Variants in DRAXIN observed in about 807,000 individuals in gnomAD.
DRAXIN encodes the protein dorsal repulsive axon guidance protein.
DRAXIN carries 27 observed loss-of-function variants against 33.9 expected under a neutral mutation model. The observed-to-expected ratio is 0.80, with a 90% confidence interval of 0.59 to 1.10. The LOEUF is 1.10. Ranked by LOEUF, DRAXIN falls within the 50% of genes least tolerant of loss-of-function variation. DRAXIN has a pLI of 0.00. For missense variants in DRAXIN, 371 were observed against 460.8 expected, an observed-to-expected ratio of 0.81 and a Z score of 1.78; for synonymous variants, 178 against 194.0, an observed-to-expected ratio of 0.92 and a Z score of 0.69.
rs1202567401 is a variant in DRAXIN, at chr1:11,706,675, C to T, written c.417C>T (p.His139=). Residue 139 remains histidine (H), a synonymous_variant, in exon 2 of 7, where the codon CAC becomes CAT. Coordinates refer to ENST00000294485, the MANE Select transcript of DRAXIN (RefSeq NM_198545.4). This position sits in a 1 kb window ranked among gnomAD's most constrained non-coding sequence, Gnocchi z 5.5. ...GGACCAGGAAACGCAGCAGGGAGCA[C>T]AAGAGACGCAGGGACAGGTTGAGGC... ...WERTRKRSRE[H]KRRRDRLRLH... The T allele has an allele frequency of 6.3e-6, 10 of 1,594,568 alleles. No homozygotes were observed. In the Admixed American group the frequency reaches 8.4e-5, roughly 13 times the overall value.
intron 2 of DRAXIN, 103 bp from the exon 3 acceptor site, chr1:11,709,172 G>A: frequency 1.6e-6 from 2 of 1,235,114 alleles, no homozygotes; most frequent in Middle Eastern, 2.7e-4. Context: ...GTCACACAGT[G>A]CCTGCTGCCT....
intron 1 of DRAXIN, among the ~76,000 whole-genome samples, chr1:11,702,438 C>T (rs565208907): frequency 2.0e-5 from 3 of 151,974 alleles, no homozygotes; most frequent in African/African-American, 7.2e-5. Context: ...CATGCTAACA[C>T]TCCTACACAC....
Position 11,719,717 on chromosome 1 carries a change from C to G in DRAXIN, c.*21C>G, listed in dbSNP as rs1354373724. On this transcript the variant is annotated 3_prime_UTR_variant, in exon 7 of 7. Coordinates refer to ENST00000294485, the MANE Select transcript of DRAXIN (RefSeq NM_198545.4). ...TCTAGCGGCCCCGCGGGACTGGGGACTGAGCCCAGGAGGTTTGCACAAGCC... is the reference window on the plus strand; with the variant it reads ...TCTAGCGGCCCCGCGGGACTGGGGAGTGAGCCCAGGAGGTTTGCACAAGCC... The G allele has an allele frequency of 1.9e-6, 3 of 1,605,224 alleles. No homozygotes were observed. Among genetic ancestry groups the G allele is most frequent in the East Asian group, 2.2e-5 (1 of 44,746 alleles).
chr1:11,693,292 CCCCAA>C (rs1641131143), intron 1 of DRAXIN, among the ~76,000 whole-genome samples: 2 of 152,098 alleles, frequency 1.3e-5, no homozygotes, highest in African/African-American at 4.8e-5. Context: ...GGTGACTCAC[CCCCAA>C]TTCTGAACCT....
At chr1:11,711,686 C>T (rs1281530086) in intron 3 of DRAXIN, among the ~76,000 whole-genome samples, 165 bp from the exon 4 acceptor site, 3 of 152,184 alleles carry the variant, frequency 2.0e-5, no homozygotes, top group Non-Finnish European at 4.4e-5. Context: ...GGAACAGGAG[C>T]CTCCGGCAGC....
intron 1 of DRAXIN, among the ~76,000 whole-genome samples, chr1:11,699,985 T>C (rs1641247496): frequency 6.7e-6 from 1 of 150,072 alleles, no homozygotes; most frequent in South Asian, 2.1e-4. Flanking sequence ...ACACCTGTAA[T>C]CCCAGCACTT....
At chr1:11,716,226 C>T (rs1641575601) in intron 6 of DRAXIN, among the ~76,000 whole-genome samples, 1 of 152,212 alleles carries the variant, frequency 6.6e-6, no homozygotes, top group Non-Finnish European at 1.5e-5. Context: ...TTAGAATAGT[C>T]TAATGAGCGC....
chr1:11,687,781 G>A (rs1020285860), upstream of DRAXIN, among the ~76,000 whole-genome samples: 4 of 152,192 alleles, frequency 2.6e-5, no homozygotes, highest in Non-Finnish European at 5.9e-5. The surrounding 1 kb of genome is among the most constrained non-coding windows in gnomAD (Gnocchi z 4.1). Context: ...ATTCATCCAG[G>A]TCGAATCACA....
intron 1 of DRAXIN, among the ~76,000 whole-genome samples, chr1:11,700,861 C>A (rs927143476): frequency 1.3e-5 from 2 of 152,226 alleles, no homozygotes; most frequent in African/African-American, 4.8e-5. Context: ...CCGATCAGCG[C>A]CGCAGGAATG....
Position 11,723,942 on chromosome 1 carries a change from A to G in DRAXIN, c.*4246A>G, listed in dbSNP as rs903324067. ...TGTTTAGAACAGTGCCTAGCACCTA[A>G]TAAACCTCCAGTGTTAGCTAATTTG... On this transcript the variant is annotated 3_prime_UTR_variant, in exon 7 of 7. Coordinates refer to ENST00000294485, the MANE Select transcript of DRAXIN (RefSeq NM_198545.4). The G allele has an allele frequency of 2.6e-5, 4 of 152,202 alleles. No homozygotes were observed. Among genetic ancestry groups the G allele is most frequent in the Non-Finnish European group, 5.9e-5 (4 of 68,036 alleles). The allele number at this position is 152,202 out of a possible 1,614,324, so 9.4% of individuals were successfully genotyped here.
upstream of DRAXIN, chr1:11,691,386 G>C (rs1641062503): frequency 1.3e-5 from 2 of 152,116 alleles, no homozygotes; most frequent in African/African-American, 4.8e-5. Flanking sequence ...ACGCGCCCTG[G>C]GCCGCGCCGA....
intron 6 of DRAXIN, among the ~76,000 whole-genome samples, chr1:11,717,650 A>G (rs1219072848): frequency 8.3e-6 from 1 of 121,078 alleles, no homozygotes; most frequent in African/African-American, 3.6e-5. Context: ...CAACAGAGAG[A>G]GACTCCGTCT....
upstream of DRAXIN, among the ~76,000 whole-genome samples, chr1:11,687,150 C>CA (rs1640972365): frequency 6.6e-6 from 1 of 152,188 alleles, no homozygotes; most frequent in Admixed American, 6.5e-5. This position sits in a 1 kb window ranked among gnomAD's most constrained non-coding sequence, Gnocchi z 4.1. Flanking sequence ...ACTGAAGCCT[C>CA]AACCTCCTGG....
rs930969760 is a variant in DRAXIN at position 11,725,208 on chromosome 1, C to T, written c.*5512C>T. 3 of 152,302 alleles carry T rather than the reference C, an allele frequency of 2.0e-5. No homozygotes were observed. The highest frequency in any genetic ancestry group is 4.4e-5 in the Non-Finnish European group (3 of 68,120). The allele number at this position is 152,302 out of a possible 1,614,324, so 9.4% of individuals were successfully genotyped here. ...GTGCACACCTGTAGTCCCAGCTATT[C>T]TCCAGGCTGAGGTGGGAGGATCGCT... On this transcript the variant is annotated 3_prime_UTR_variant, in exon 7 of 7. Transcript: ENST00000294485.
chr1:11,698,209 G>A (rs757915092), intron 1 of DRAXIN, among the ~76,000 whole-genome samples: 49 of 152,154 alleles, frequency 3.2e-4, no homozygotes, highest in Non-Finnish European at 6.6e-4. Context: ...GAACACTCTC[G>A]TTTCAAATTA....
chr1:11,715,934 G>GC (rs1641570497), intron 6 of DRAXIN, among the ~76,000 whole-genome samples: 1 of 152,148 alleles, frequency 6.6e-6, no homozygotes, highest in Admixed American at 6.6e-5. Context: ...CAGCAGTGCA[G>GC]TTTTGGCTCA....
At chr1:11,718,387 T>TA (rs957742333) in intron 6 of DRAXIN, among the ~76,000 whole-genome samples, 7 of 151,444 alleles carry the variant, frequency 4.6e-5, no homozygotes, top group South Asian at 4.2e-4. Flanking sequence ...TTGAGCCACT[T>TA]AAAAAAAAAT....
chr1:11,687,333 C>T (rs1394939050), upstream of DRAXIN, among the ~76,000 whole-genome samples: 1 of 152,068 alleles, frequency 6.6e-6, no homozygotes. This position sits in a 1 kb window ranked among gnomAD's most constrained non-coding sequence, Gnocchi z 4.1. Context: ...TCTGCCTCCC[C>T]GATTCAAGCG....
At chr1:11,702,204 TCACA>T (rs949677655) in intron 1 of DRAXIN, among the ~76,000 whole-genome samples, 1 of 144,026 alleles carries the variant, frequency 6.9e-6, no homozygotes, top group Non-Finnish European at 1.5e-5. Flanking sequence ...ACACACATGC[TCACA>T]CACACCCATA....
Sources: allele counts gnomAD v4.1 joint callset (sites outside exome capture counted in the v4.1 genomes callset), GRCh38; gene constraint gnomAD v4.1.1; non-coding constraint Gnocchi (gnomAD v3.1); transcripts MANE v1.5; gene names NCBI Gene and HGNC (gene_info 2026-07-23, HGNC 2026-07-21).